PRKCA: variants seen among roughly 807,000 people sequenced by gnomAD.
PRKCA encodes the protein protein kinase C alpha type.
Under a neutral mutation model 87.0 loss-of-function variants are expected in PRKCA, and 27 were observed. That is an observed-to-expected ratio of 0.31 (90% CI 0.23 to 0.43). The LOEUF is 0.43. PRKCA is among the 20% of genes least tolerant of loss of function. The pLI, the probability that PRKCA is intolerant of heterozygous loss-of-function variation, is 1.00. For synonymous variants in PRKCA, 329 were observed against 311.1 expected, an observed-to-expected ratio of 1.06 and a Z score of -0.61; for missense variants, 518 against 852.3, an observed-to-expected ratio of 0.61 and a Z score of 4.88.
intron 5 of PRKCA, among the ~76,000 whole-genome samples, chr17:66,672,830 G>A (rs192702462): frequency 3.4e-4 from 52 of 152,292 alleles, no homozygotes; most frequent in African/African-American, 1.3e-3. Context: ...TATTCCTAGT[G>A]TGATGTGAAT....
chr17:66,703,105 T>C (rs1411746362), intron 8 of PRKCA, among the ~76,000 whole-genome samples: 1 of 152,194 alleles, frequency 6.6e-6, no homozygotes, highest in Non-Finnish European at 1.5e-5. Context: ...ACTCAATTTA[T>C]TTTTAAAATC....
At chr17:66,448,281 A>G (rs1914134955) in intron 2 of PRKCA, among the ~76,000 whole-genome samples, 1 of 152,196 alleles carries the variant, frequency 6.6e-6, no homozygotes, top group Non-Finnish European at 1.5e-5. Flanking sequence ...AGTCTGCCCT[A>G]ATAAACATAG....
At chr17:66,460,779 A>G (rs1271105098) in intron 2 of PRKCA, among the ~76,000 whole-genome samples, 2 of 152,206 alleles carry the variant, frequency 1.3e-5, no homozygotes, top group African/African-American at 4.8e-5. Context: ...TAAGGCTAGC[A>G]AAGCGGGGAC....
At chr17:66,395,799 A>G (rs1483189762) in intron 2 of PRKCA, among the ~76,000 whole-genome samples, 1 of 152,230 alleles carries the variant, frequency 6.6e-6, no homozygotes, top group African/African-American at 2.4e-5. Flanking sequence ...TCAACATTAT[A>G]GGAGGAGACG....
intron 2 of PRKCA, among the ~76,000 whole-genome samples, chr17:66,420,054 C>T (rs943930630): frequency 2.7e-5 from 4 of 149,428 alleles, no homozygotes; most frequent in African/African-American, 9.9e-5. Context: ...GCTCTGTCAC[C>T]AGGCTGGAAT....
chr17:66,566,281 A>C (rs373594396), intron 3 of PRKCA, among the ~76,000 whole-genome samples: 15 of 152,302 alleles, frequency 9.8e-5, no homozygotes, highest in African/African-American at 3.6e-4. Flanking sequence ...CCCATCTCAA[A>C]GTTCCCTTAC....
intron 3 of PRKCA, among the ~76,000 whole-genome samples, chr17:66,617,980 T>A (rs535070203): frequency 1.1e-4 from 16 of 152,256 alleles, no homozygotes; most frequent in Non-Finnish European, 1.9e-4. Flanking sequence ...CTGTTGATTT[T>A]TAAGTCAAGG....
chr17:66,683,219 T>G (rs537910159), intron 5 of PRKCA, among the ~76,000 whole-genome samples: 2 of 152,386 alleles, frequency 1.3e-5, no homozygotes, highest in South Asian at 4.1e-4. Context: ...CAAACAATCT[T>G]GGTTTTCTGT....
intron 2 of PRKCA, among the ~76,000 whole-genome samples, chr17:66,382,687 T>C (rs1041564399): frequency 1.3e-5 from 2 of 152,110 alleles, no homozygotes; most frequent in African/African-American, 4.8e-5. Context: ...AACATAGTGG[T>C]TCTCAATCAG....
intron 8 of PRKCA, among the ~76,000 whole-genome samples, chr17:66,706,186 G>A (rs1173749523): frequency 6.6e-6 from 1 of 152,194 alleles, no homozygotes; most frequent in African/African-American, 2.4e-5. Flanking sequence ...GATGAAACCT[G>A]TTGACTGATG....
At chr17:66,704,329 A>G (rs1376598020) in intron 8 of PRKCA, among the ~76,000 whole-genome samples, 3 of 152,196 alleles carry the variant, frequency 2.0e-5, no homozygotes, top group Non-Finnish European at 4.4e-5. Context: ...CTCAATTTTA[A>G]TTTGTATCTT....
intron 14 of PRKCA, among the ~76,000 whole-genome samples, chr17:66,779,456 C>T (rs1455509043): frequency 1.3e-5 from 2 of 152,050 alleles, no homozygotes; most frequent in Non-Finnish European, 2.9e-5. Flanking sequence ...TCCTTATGCC[C>T]TTTTCTCCCT....
intron 3 of PRKCA, among the ~76,000 whole-genome samples, chr17:66,527,744 A>G (rs1967395040): frequency 6.6e-6 from 1 of 152,268 alleles, no homozygotes; most frequent in Non-Finnish European, 1.5e-5. Context: ...AATATTACAA[A>G]GACATTTTAA....
intron 2 of PRKCA, among the ~76,000 whole-genome samples, chr17:66,423,614 G>A (rs942806750): frequency 6.6e-6 from 1 of 152,190 alleles, no homozygotes; most frequent in Admixed American, 6.5e-5. Flanking sequence ...TTTAAAGCTG[G>A]CTGTTACTGA....
intron 13 of PRKCA, among the ~76,000 whole-genome samples, chr17:66,765,445 T>C (rs1440080648): frequency 7.2e-6 from 1 of 139,574 alleles, no homozygotes; most frequent in African/African-American, 2.6e-5. Context: ...TATATATATA[T>C]ATATATATAT....
At chr17:66,401,569 A>G (rs1409993590) in intron 2 of PRKCA, among the ~76,000 whole-genome samples, 1 of 152,030 alleles carries the variant, frequency 6.6e-6, no homozygotes. Context: ...TCTGCAGACC[A>G]CTCTGAGGGC....
chr17:66,412,916 C>T (rs1019625444), intron 2 of PRKCA, among the ~76,000 whole-genome samples: 2 of 152,178 alleles, frequency 1.3e-5, no homozygotes, highest in African/African-American at 4.8e-5. Context: ...CCGAGGCGTT[C>T]TTCCTACTCT....
intron 10 of PRKCA, among the ~76,000 whole-genome samples, chr17:66,738,463 G>A (rs2054776713): frequency 6.6e-6 from 1 of 152,196 alleles, no homozygotes; most frequent in Admixed American, 6.5e-5. Flanking sequence ...ATATGTATAG[G>A]AAGATAGGGA....
intron 2 of PRKCA, among the ~76,000 whole-genome samples, chr17:66,309,245 T>G (rs969012320): frequency 5.9e-5 from 9 of 152,212 alleles, no homozygotes; most frequent in African/African-American, 1.7e-4. Context: ...TGAGTAGGTA[T>G]TTGAAGACTA....
Sources: allele counts gnomAD v4.1 joint callset (sites outside exome capture counted in the v4.1 genomes callset), GRCh38; gene constraint gnomAD v4.1.1; transcripts MANE v1.5; gene names NCBI Gene and HGNC (gene_info 2026-07-23, HGNC 2026-07-21).